The following ITFG1 variants were observed in gnomAD, a reference collection of about 807,000 sequenced individuals.
ITFG1 encodes the protein T-cell immunomodulatory protein.
ITFG1 carries 34 observed loss-of-function variants against 81.8 expected under a neutral mutation model. The ratio of observed to expected loss-of-function variants is 0.42; its 90% CI spans 0.32 to 0.55. ITFG1 has a LOEUF of 0.55. Ranked by LOEUF, ITFG1 falls within the 20% of genes least tolerant of loss-of-function variation. ITFG1 has a pLI of 0.17. For missense variants in ITFG1, 672 were observed against 755.4 expected (o/e 0.89, Z 1.29); for synonymous variants, 285 against 270.6 (o/e 1.05, Z -0.52).
At position 47,369,274 on chromosome 16, in the gene ITFG1, A is replaced by C. The variant is rs560112279; in HGVS notation, c.721-3405T>G. Among the ~76,000 whole-genome samples, 5 of 152,336 alleles carry C rather than the reference A, an allele frequency of 3.3e-5. No homozygotes were observed. In the East Asian group the frequency reaches 9.6e-4, roughly 29 times the overall value. ...GGGAGAACAGTCTGGTGCAAAGAACACTAGAATTGGAGTAAGGTGAGGTGG... is the reference window on the plus strand; with the variant it reads ...GGGAGAACAGTCTGGTGCAAAGAACCCTAGAATTGGAGTAAGGTGAGGTGG... On this transcript the variant is annotated intron_variant, in intron 7 of 17. Transcript: ENST00000320640.
At chr16:47,203,152 A>AATATT (rs1307094658) in intron 14 of ITFG1, among the ~76,000 whole-genome samples, 4 of 152,210 alleles carry the variant, frequency 2.6e-5, no homozygotes, top group African/African-American at 9.7e-5. Flanking sequence ...CCTAAAATGA[A>AATATT]ATATTATTCA....
rs908084110 is a variant in ITFG1, at chr16:47,260,716, A to G, written c.1071-21T>C. On this transcript the variant is annotated intron_variant, in intron 10 of 17. Coordinates refer to ENST00000320640, the MANE Select transcript of ITFG1 (RefSeq NM_030790.5). ...GGTTGCTGTGCGCCAAAGGAAAGGC[A>G]TTTCGTTAATATAAACATCAACACT... The G allele has an allele frequency of 5.6e-6, 9 of 1,613,598 alleles. No individual in the cohort carries two copies. The African/African-American group carries it at 1.1e-4, about 19-fold the overall frequency.
chr16:47,301,688 G>T (rs1251239188), intron 10 of ITFG1, among the ~76,000 whole-genome samples: 1 of 152,088 alleles, frequency 6.6e-6, no homozygotes, highest in Non-Finnish European at 1.5e-5. Context: ...GAGCCATCGT[G>T]CCCAGCTATT....
intron 10 of ITFG1, among the ~76,000 whole-genome samples, chr16:47,310,305 T>C (rs1328357293): frequency 3.3e-5 from 5 of 152,190 alleles, no homozygotes; most frequent in African/African-American, 4.8e-5. Context: ...TCTGGAGAAG[T>C]TGTTTTGTAT....
chr16:47,444,910 C>G (rs997910366), intron 5 of ITFG1, among the ~76,000 whole-genome samples: 1 of 152,058 alleles, frequency 6.6e-6, no homozygotes, highest in Non-Finnish European at 1.5e-5. Context: ...CAGATGCTCT[C>G]TTTTCTTTGC....
At chr16:47,242,117 T>C (rs1267104159) in intron 12 of ITFG1, among the ~76,000 whole-genome samples, 1 of 152,098 alleles carries the variant, frequency 6.6e-6, no homozygotes, top group Non-Finnish European at 1.5e-5. Flanking sequence ...TGATGCGGTA[T>C]GTGAATTACA....
rs1966995080 is a variant in ITFG1, at chr16:47,297,151, T to G, written c.1070+14089A>C. 2.0e-5 allele frequency among the ~76,000 whole-genome samples: 3 copies of G among 152,204 alleles called. No individual in the cohort carries two copies. The South Asian group carries it at 6.2e-4, about 31-fold the overall frequency. On this transcript the variant is annotated intron_variant, in intron 10 of 17. Transcript: ENST00000320640. ...GGATTGTTATATTCTCTTGTTGACT[T>G]GATTCCTTTCTCATTATAAAATGAC...
intron 10 of ITFG1, among the ~76,000 whole-genome samples, chr16:47,279,790 G>T (rs760815229): frequency 2.0e-5 from 3 of 152,078 alleles, no homozygotes; most frequent in Non-Finnish European, 4.4e-5. Flanking sequence ...GGTCTTCTTT[G>T]ATTTCTTTCA....
chr16:47,382,264 C>G (rs964065701), intron 6 of ITFG1, among the ~76,000 whole-genome samples: 1 of 152,148 alleles, frequency 6.6e-6, no homozygotes, highest in African/African-American at 2.4e-5. Context: ...AAGATCAACC[C>G]TATTTCCTAT....
At chr16:47,272,352 A>G (rs553195038) in intron 10 of ITFG1, among the ~76,000 whole-genome samples, 2 of 152,288 alleles carry the variant, frequency 1.3e-5, no homozygotes, top group African/African-American at 4.8e-5. Flanking sequence ...TTTTTAGGGT[A>G]ATAAAATGTC....
At chr16:47,212,242 C>T (rs1004724374) in intron 14 of ITFG1, among the ~76,000 whole-genome samples, 1 of 151,874 alleles carries the variant, frequency 6.6e-6, no homozygotes, top group Non-Finnish European at 1.5e-5. Context: ...GAGACGGGGT[C>T]TTGCTGTGTC....
intron 10 of ITFG1, among the ~76,000 whole-genome samples, chr16:47,286,917 AT>A (rs1295980079): frequency 6.6e-6 from 1 of 152,192 alleles, no homozygotes; most frequent in Non-Finnish European, 1.5e-5. Flanking sequence ...CACATTTAAT[AT>A]GTGGTAAACT....
At chr16:47,206,703 C>T (rs1965503877) in intron 14 of ITFG1, among the ~76,000 whole-genome samples, 1 of 152,168 alleles carries the variant, frequency 6.6e-6, no homozygotes, top group African/African-American at 2.4e-5. Context: ...CTTGATTTCC[C>T]TTTTTTCACC....
At chr16:47,428,781 T>C in intron 6 of ITFG1, 23 bp downstream of exon 6, 1 of 1,462,604 alleles carries the variant, frequency 6.8e-7, no homozygotes, top group Non-Finnish European at 9.6e-7. Context: ...CTCAAAACAA[T>C]TCCAGATTTA....
intron 8 of ITFG1, among the ~76,000 whole-genome samples, chr16:47,364,367 A>T (rs913259618): frequency 1.3e-5 from 2 of 152,240 alleles, no homozygotes; most frequent in African/African-American, 4.8e-5. Context: ...TAAAGCTACT[A>T]ATAATTTTGT....
intron 12 of ITFG1, among the ~76,000 whole-genome samples, chr16:47,244,588 CTT>C (rs1965974811): frequency 7.4e-6 from 1 of 134,892 alleles, no homozygotes. Flanking sequence ...GGTATTCCAT[CTT>C]TTGTGTGTGT....
intron 8 of ITFG1, among the ~76,000 whole-genome samples, chr16:47,350,741 G>C (rs1967939845): frequency 6.6e-6 from 1 of 152,134 alleles, no homozygotes; most frequent in Admixed American, 6.6e-5. Flanking sequence ...TGACACCAAA[G>C]CCGGGCAGAG....
chr16:47,332,270 T>A (rs1332414258), intron 8 of ITFG1, among the ~76,000 whole-genome samples: 1 of 152,148 alleles, frequency 6.6e-6, no homozygotes. Flanking sequence ...AACAATGATA[T>A]TCCATGGATT....
intron 5 of ITFG1, among the ~76,000 whole-genome samples, chr16:47,433,544 T>G (rs1343653644): frequency 6.6e-6 from 1 of 152,132 alleles, no homozygotes; most frequent in African/African-American, 2.4e-5. Flanking sequence ...CTTGCCATTT[T>G]GAACATTTAA....
Sources: allele counts gnomAD v4.1 joint callset (sites outside exome capture counted in the v4.1 genomes callset), GRCh38; gene constraint gnomAD v4.1.1; transcripts MANE v1.5; gene names NCBI Gene and HGNC (gene_info 2026-07-23, HGNC 2026-07-21).